Variants in HK3 observed in about 807,000 individuals in gnomAD.
HK3 encodes hexokinase-3.
In HK3, 93 loss-of-function variants were observed where a neutral mutation model predicts 91.0. The ratio of observed to expected loss-of-function variants is 1.02; its 90% CI spans 0.86 to 1.21. HK3 has a LOEUF of 1.21. HK3 is among the 50% of genes most tolerant of loss of function. The probability of loss-of-function intolerance (pLI) is 0.00; values close to 1 mark genes in which losing one functional copy is unlikely to be tolerated. For synonymous variants in HK3, 519 were observed against 516.9 expected, an observed-to-expected ratio of 1.00 and a Z score of -0.06; for missense variants, 1,235 against 1,247.4, an observed-to-expected ratio of 0.99 and a Z score of 0.15.
rs777535207 is a variant in HK3, at chr5:176,881,314, T to C, written c.2615A>G (p.Lys872Arg). The change falls in exon 18 of 19, where the codon AAG (lysine) becomes AGG (arginine). Residue 872 changes from lysine to arginine, a missense_variant. Lys to Arg is a conservative substitution (Grantham distance 26). Around this residue, in one of 3 missense-constraint regions of HK3, gnomAD observed 513 missense variants for 477.4 expected, o/e 1.07. Coordinates refer to ENST00000292432, the MANE Select transcript of HK3 (RefSeq NM_002115.3). ...CACCCAGACTCACCGCGGGTGCAGCTTGTAGAGCGTTCCATCCACCCCCAC... is the reference window on the plus strand; with the variant it reads ...CACCCAGACTCACCGCGGGTGCAGCCTGTAGAGCGTTCCATCCACCCCCAC... ...VSVGVDGTLYKLHPRFSSLVA... is the reference protein window; with the variant it reads ...VSVGVDGTLYRLHPRFSSLVA... 4 of 1,613,856 alleles carry C rather than the reference T, an allele frequency of 2.5e-6. No homozygotes were observed. The South Asian group carries it at 4.4e-5, about 18-fold the overall frequency.
In HK3 at chr5:176,887,230, C is replaced by A. The variant is rs778816240; in HGVS notation, c.1708G>T (p.Glu570Ter). 1.1e-5 allele frequency: 18 copies of A among 1,614,100 alleles called. No individual in the cohort carries two copies. In the African/African-American group the frequency reaches 2.1e-4, roughly 19 times the overall value. The change falls in exon 12 of 19, where the codon GAG becomes TAG. Residue 570 changes from glutamate (E) to a stop codon, truncating the protein, a stop_gained. Transcript: ENST00000292432. LOFTEE classifies it high-confidence loss of function. This position sits in a 1 kb window ranked among gnomAD's most constrained non-coding sequence, Gnocchi z 4.9. ...TGCCCAGAACCCTGGGCCACAGTCT[C>A]GGGAATGGAGTAGATCTCGCTGGTG... is the stretch of plus-strand genomic sequence containing the variant. ...QITSEIYSIP[E>*]TVAQGSGQQL...
intron 1 of HK3, among the ~76,000 whole-genome samples, chr5:176,898,824 GGAGCTGCCATC>G (rs1253951218): frequency 6.6e-6 from 1 of 152,196 alleles, no homozygotes; most frequent in African/African-American, 2.4e-5. Context: ...ACTGATGTTG[GGAGCTGCCATC>G]GAGAACCAGC....
chr5:176,892,779 G>A (rs953394631), intron 2 of HK3, among the ~76,000 whole-genome samples: 6 of 152,208 alleles, frequency 3.9e-5, no homozygotes, highest in Non-Finnish European at 7.3e-5. Context: ...GAGGCTGGGA[G>A]GAGAAGCTGC....
intron 6 of HK3, 65 bp downstream of exon 6, chr5:176,890,570 C>A (rs1301910375): frequency 1.4e-6 from 2 of 1,382,714 alleles, no homozygotes; most frequent in East Asian, 4.6e-5. Context: ...AGCCCAGACC[C>A]AACGCATGTG....
chr5:176,892,386 G>T (rs1321617695), intron 2 of HK3, among the ~76,000 whole-genome samples: 1 of 152,192 alleles, frequency 6.6e-6, no homozygotes, highest in African/African-American at 2.4e-5. Flanking sequence ...CAAGGGGATG[G>T]ATTTGGAGAA....
In HK3 at chr5:176,887,973, T is replaced by C. The variant is rs562408336; in HGVS notation, c.1305-227A>G. Among the ~76,000 whole-genome samples the C allele has an allele frequency of 1.1e-3, 168 of 152,178 alleles. No individual in the cohort carries two copies. The highest frequency in any genetic ancestry group is 4.0e-3 in the African/African-American group (165 of 41,520). On this transcript the variant is annotated intron_variant, in intron 10 of 18. Transcript: ENST00000292432. The surrounding 1 kb of genome is among the most constrained non-coding windows in gnomAD (Gnocchi z 4.9). ...TAGAGTGCCACGGAGTGATCATGGC[T>C]TACTGTAACCTCAAACTCCCAGGCT...
intron 15 of HK3, among the ~76,000 whole-genome samples, chr5:176,882,996 A>G (rs991621403): frequency 6.6e-6 from 1 of 152,138 alleles, no homozygotes; most frequent in East Asian, 1.9e-4. Context: ...GAGCTGTGGG[A>G]TCCCTCCTCC....
chr5:176,894,476 C>G (rs184067399), intron 2 of HK3, among the ~76,000 whole-genome samples: 1 of 152,142 alleles, frequency 6.6e-6, no homozygotes, highest in Non-Finnish European at 1.5e-5. Flanking sequence ...GGGCAAGAAG[C>G]GAGGGAGGAG....
chr5:176,898,682 G>A (rs1758965880), intron 1 of HK3, among the ~76,000 whole-genome samples: 1 of 152,204 alleles, frequency 6.6e-6, no homozygotes, highest in Non-Finnish European at 1.5e-5. Context: ...TCCCTGTGGG[G>A]AGGGACATGT....
At chr5:176,894,607 G>A (rs555844075) in intron 2 of HK3, among the ~76,000 whole-genome samples, 1 of 152,136 alleles carries the variant, frequency 6.6e-6, no homozygotes, top group Non-Finnish European at 1.5e-5. Flanking sequence ...AGGGTCTGGG[G>A]TACAGGTTGG....
At chr5:176,888,964 G>A in intron 8 of HK3, 100 bp from the exon 9 acceptor site, 1 of 1,386,114 alleles carries the variant, frequency 7.2e-7, no homozygotes. Flanking sequence ...TTTCTTTGGG[G>A]CTCCCAAACT....
In HK3 at chr5:176,883,956, G is replaced by T. The variant is rs995593737; in HGVS notation, c.1953+83C>A. On this transcript the variant is annotated intron_variant, in intron 14 of 18. Coordinates refer to ENST00000292432, the MANE Select transcript of HK3 (RefSeq NM_002115.3). ...GACCCAGAGGTCTCTACCGCAGAGGGCTCCCCCCTCAGAAAGTAGGAGACT... is the reference window on the plus strand; with the variant it reads ...GACCCAGAGGTCTCTACCGCAGAGGTCTCCCCCCTCAGAAAGTAGGAGACT... 5.1e-6 allele frequency: 8 copies of T among 1,579,822 alleles called. No individual in the cohort carries two copies. The African/African-American group carries it at 1.1e-4, about 21-fold the overall frequency.
intron 15 of HK3, among the ~76,000 whole-genome samples, 187 bp downstream of exon 15, chr5:176,883,583 A>C (rs1163662554): frequency 1.3e-5 from 2 of 152,212 alleles, no homozygotes; most frequent in Non-Finnish European, 2.9e-5. Context: ...ACCATGAGTC[A>C]GTCACTGAGC....
Position 176,889,250 on chromosome 5 carries a change from G to C in HK3, c.914+131C>G, listed in dbSNP as rs147429066. The C allele has an allele frequency of 5.1e-4, 525 of 1,031,884 alleles. 5 individuals are homozygous for C. The African/African-American group carries it at 6.5e-3, about 13-fold the overall frequency. The allele number at this position is 1,031,884 out of a possible 1,614,324, so 63.9% of individuals were successfully genotyped here. A position where few individuals can be genotyped will look rare whatever the true frequency, so the allele number is the denominator to read the frequency against. ...CTTTGAACCTGGCCAGGGCCCCCAG[G>C]TTGCTCCCTGGAGACCCTCAGAGTG... On this transcript the variant is annotated intron_variant, in intron 8 of 18. Transcript: ENST00000292432.
Position 176,891,515 on chromosome 5 carries a change from C to T in HK3, c.132G>A (p.Arg44=). 6.2e-7 allele frequency: 1 copy of T among 1,613,902 alleles called. No homozygotes were observed. Among genetic ancestry groups the T allele is most frequent in the East Asian group, 2.2e-5 (1 of 44,882 alleles). Residue 44 remains arginine (R), a synonymous_variant, in exon 3 of 19, where the codon AGG becomes AGA. Transcript: ENST00000292432. ...QECLQQFKVT[R]AQLQQIQASL... is the part of the protein sequence containing the mutation. ...TGGCTTGGATCTGCTGTAGCTGTGCCCTTGTCACCTTGAACTGCTGCAGGC... is the reference window on the plus strand; with the variant it reads ...TGGCTTGGATCTGCTGTAGCTGTGCTCTTGTCACCTTGAACTGCTGCAGGC...
At position 176,889,545 on chromosome 5, in the gene HK3, A is replaced by ACACG; in HGVS notation, c.746_749dup (p.Tyr251ValfsTer31). 6.2e-7 allele frequency: 1 copy of ACACG among 1,614,138 alleles called. No individual in the cohort carries two copies. Among genetic ancestry groups the ACACG allele is most frequent in the South Asian group, 1.1e-5 (1 of 91,072 alleles). ...CCACATGCCGTGCCTCCTCCATGTAACACGCGTTGGTGCCCGTGTCTGGCA... is the reference window on the plus strand; with the variant it reads ...CCACATGCCGTGCCTCCTCCATGTAACACGCACGCGTTGGTGCCCGTGTCTGGCA... On this transcript the variant is annotated frameshift_variant, in exon 8 of 19. Transcript: ENST00000292432. LOFTEE classifies it high-confidence loss of function.
chr5:176,897,502 T>C (rs1389632727), intron 1 of HK3, among the ~76,000 whole-genome samples: 2 of 152,118 alleles, frequency 1.3e-5, no homozygotes, highest in Admixed American at 6.5e-5. Context: ...CCTCCTTGCC[T>C]ACTCCCACTA....
chr5:176,889,010 A>G, intron 8 of HK3, 146 bp from the exon 9 acceptor site: 1 of 904,032 alleles, frequency 1.1e-6, no homozygotes, highest in East Asian at 2.6e-5. Context: ...CTCCCAGAGG[A>G]CAGGTGGGTG....
At position 176,881,783 on chromosome 5, in the gene HK3, T is replaced by TTAAA. The variant is rs1450893204; in HGVS notation, c.2298_2301dup (p.Thr768PhefsTer29). 3 of 1,613,964 alleles carry TTAAA rather than the reference T, an allele frequency of 1.9e-6. No individual in the cohort carries two copies. The highest frequency in any genetic ancestry group is 2.5e-6 in the Non-Finnish European group (3 of 1,180,028). The stretch of plus-strand genomic sequence containing the variant: ...CCCCGGAAGAGAACGCCAAGGCTGG[T>TTAAA]TAAATGTAAAAGGATGTGGCGGACG... On this transcript the variant is annotated frameshift_variant, in exon 17 of 19. Coordinates refer to ENST00000292432, the MANE Select transcript of HK3 (RefSeq NM_002115.3). LOFTEE classifies it high-confidence loss of function.
Sources: gnomAD v4.1 joint callset for allele counts (sites outside exome capture counted in the v4.1 genomes callset) on GRCh38, gnomAD v4.1.1 for gene constraint, gnomAD v4.1.1 regional missense constraint, Gnocchi (gnomAD v3.1) non-coding constraint, MANE v1.5 for transcripts, NCBI Gene and HGNC (gene_info 2026-07-23, HGNC 2026-07-21) for gene names.